The following CLPB variants were observed in gnomAD, a reference collection of about 807,000 sequenced individuals.
The protein encoded by CLPB is mitochondrial disaggregase.
CLPB carries 40 observed loss-of-function variants against 78.4 expected under a neutral mutation model. The observed-to-expected ratio is 0.51, with a 90% CI of 0.40 to 0.66. The LOEUF (loss-of-function observed/expected upper bound fraction) is 0.66, where lower values mean the gene tolerates loss of function less well. CLPB is among the 30% of genes least tolerant of loss of function. CLPB has a pLI of 0.00. For synonymous variants in CLPB, 333 were observed against 348.0 expected (o/e 0.96, Z 0.48); for missense variants, 780 against 886.9 (o/e 0.88, Z 1.53).
At chr11:72,385,268 C>A (rs1276583775) in intron 3 of CLPB, among the ~76,000 whole-genome samples, 1 of 152,202 alleles carries the variant, frequency 6.6e-6, no homozygotes, top group East Asian at 1.9e-4. Flanking sequence ...GAGGCAGGGA[C>A]TCCATGTTAG....
chr11:72,296,952 G>A (rs986814903), intron 11 of CLPB, among the ~76,000 whole-genome samples: 2 of 152,230 alleles, frequency 1.3e-5, no homozygotes, highest in South Asian at 2.1e-4. Context: ...TCTGACCTCA[G>A]AGCCCATGCC....
Position 72,288,691 on chromosome 11 carries a change from T to G in CLPB, c.*4676A>C, listed in dbSNP as rs534482905. ...CCAAGTATAATAATAAAGGAACATCTGTCATATGCCTGCACTGTGCCAGGT... is the reference window on the plus strand; with the variant it reads ...CCAAGTATAATAATAAAGGAACATCGGTCATATGCCTGCACTGTGCCAGGT... On this transcript the variant is annotated 3_prime_UTR_variant, in exon 16 of 16. Coordinates refer to ENST00000538039, the MANE Select transcript of CLPB (RefSeq NM_001258392.3). The G allele has an allele frequency of 9.2e-5, 14 of 152,342 alleles. No homozygotes were observed. Among genetic ancestry groups the G allele is most frequent in the African/African-American group, 3.4e-4 (14 of 41,552 alleles). The allele number at this position is 152,342 out of a possible 1,614,324, so 9.4% of individuals were successfully genotyped here.
At position 72,317,129 on chromosome 11, in the gene CLPB, C is replaced by T; in HGVS notation, c.965G>A (p.Ser322Asn). Reference protein sequence around the residue: ...RLKEHIIGQESAIATVGAAIR... With the variant: ...RLKEHIIGQENAIATVGAAIR... Reference sequence around the variant, plus strand: ...ACCAGCACCCACTGTGGCGATGGCGCTCTCCTGGCCAATGATGTGCTCCTT... The same window carrying T: ...ACCAGCACCCACTGTGGCGATGGCGTTCTCCTGGCCAATGATGTGCTCCTT... Residue 322 changes from serine to asparagine, a missense_variant, in exon 7 of 16, where the codon AGC (serine) becomes AAC (asparagine). Coordinates refer to ENST00000538039, the MANE Select transcript of CLPB (RefSeq NM_001258392.3). 4.3e-6 allele frequency: 7 copies of T among 1,611,694 alleles called. No individual in the cohort carries two copies. Among genetic ancestry groups the T allele is most frequent in the Non-Finnish European group, 5.9e-6 (7 of 1,179,352 alleles).
chr11:72,294,438 A>G lies in CLPB; in HGVS notation c.1567T>C (p.Phe523Leu). ...NVIRPILKAH[F>L]RRDEFLGRIN... is the part of the protein sequence containing the mutation. ...CGTCCCAGAAACTCATCCCTCCGGAAGTGAGCCTGAAGGGCCAGGTTAGGG... is the reference window on the plus strand; with the variant it reads ...CGTCCCAGAAACTCATCCCTCCGGAGGTGAGCCTGAAGGGCCAGGTTAGGG... Residue 523 changes from phenylalanine (F) to leucine (L), a missense_variant, in exon 14 of 16, where the codon TTC becomes CTC. By Grantham distance (22) the Phe-to-Leu change is conservative. Transcript: ENST00000538039. The G allele has an allele frequency of 6.2e-7, 1 of 1,614,180 alleles. No individual in the cohort carries two copies. Among genetic ancestry groups the G allele is most frequent in the Non-Finnish European group, 8.5e-7 (1 of 1,180,034 alleles).
chr11:72,292,812 T>TC lies in CLPB; in HGVS notation c.*554dup. ...GCGGAAACAGGCAAGCCTCTATGGGTCCCTTCCCCTTAGAATTTTAGGGTA... is the reference window on the plus strand; with the variant it reads ...GCGGAAACAGGCAAGCCTCTATGGGTCCCCTTCCCCTTAGAATTTTAGGGTA... On this transcript the variant is annotated 3_prime_UTR_variant, in exon 16 of 16. Coordinates refer to ENST00000538039, the MANE Select transcript of CLPB (RefSeq NM_001258392.3). The TC allele has an allele frequency of 6.5e-6, 1 of 154,446 alleles. No homozygotes were observed. Among genetic ancestry groups the TC allele is most frequent in the East Asian group, 1.9e-4 (1 of 5,190 alleles). 9.6% of individuals were successfully genotyped at this position (154,446 alleles called of 1,614,324 possible).
At chr11:72,367,981 A>C (rs574735108) in intron 4 of CLPB, among the ~76,000 whole-genome samples, 71 of 152,218 alleles carry the variant, frequency 4.7e-4, no homozygotes, top group Non-Finnish European at 9.1e-4. Context: ...TTAGGTTAAA[A>C]AATATATGTA....
intron 2 of CLPB, among the ~76,000 whole-genome samples, chr11:72,416,345 C>T (rs1466813785): frequency 1.3e-5 from 2 of 152,288 alleles, no homozygotes; most frequent in Non-Finnish European, 2.9e-5. Flanking sequence ...CTTACCAGAC[C>T]GCAAGTTCCT....
At chr11:72,307,125 G>A (rs1344054776) in intron 9 of CLPB, 74 bp downstream of exon 9, 1 of 1,360,370 alleles carries the variant, frequency 7.4e-7, no homozygotes, top group African/African-American at 1.4e-5. Context: ...AATTCAGAGG[G>A]TCAGATTTTT....
At chr11:72,311,303 G>C (rs1949841698) in intron 7 of CLPB, among the ~76,000 whole-genome samples, 2 of 152,174 alleles carry the variant, frequency 1.3e-5, no homozygotes, top group Non-Finnish European at 2.9e-5. Flanking sequence ...GCCCACGTGG[G>C]AGGTGGCCAT....
intron 15 of CLPB, 39 bp from the exon 16 acceptor site, chr11:72,293,654 G>C (rs1474990314): frequency 6.3e-7 from 1 of 1,584,292 alleles, no homozygotes; most frequent in Admixed American, 1.7e-5. Flanking sequence ...CCCTCGGCCT[G>C]GACCCAGCTT....
chr11:72,392,037 C>T (rs1855268278), intron 3 of CLPB, among the ~76,000 whole-genome samples: 1 of 151,922 alleles, frequency 6.6e-6, no homozygotes, highest in Admixed American at 6.6e-5. Context: ...AGCGAGAAAA[C>T]CTATGGTGTG....
intron 2 of CLPB, among the ~76,000 whole-genome samples, chr11:72,426,832 G>A (rs974840309): frequency 2.6e-5 from 4 of 152,182 alleles, no homozygotes; most frequent in African/African-American, 7.2e-5. Context: ...GAACAGTGTG[G>A]CAAGTGGCAT....
intron 3 of CLPB, among the ~76,000 whole-genome samples, chr11:72,397,242 G>T (rs1043162162): frequency 6.6e-6 from 1 of 152,112 alleles, no homozygotes; most frequent in Non-Finnish European, 1.5e-5. Flanking sequence ...TTTACCGTAT[G>T]GATATACCAC....
chr11:72,308,426 C>G (rs761078880), intron 8 of CLPB, 101 bp downstream of exon 8: 2 of 963,546 alleles, frequency 2.1e-6, no homozygotes, highest in South Asian at 1.3e-5. Flanking sequence ...TGACCTAGAG[C>G]TGGACCTGCT....
At chr11:72,296,553 T>C (rs1284608534) in intron 11 of CLPB, among the ~76,000 whole-genome samples, 3 of 152,230 alleles carry the variant, frequency 2.0e-5, no homozygotes, top group Non-Finnish European at 4.4e-5. Context: ...GGCATGACCG[T>C]ACAACAGCAC....
chr11:72,380,436 G>T, intron 3 of CLPB, 52 bp from the exon 4 acceptor site: 1 of 1,418,854 alleles, frequency 7.0e-7, no homozygotes, highest in Non-Finnish European at 9.9e-7. Context: ...GGCCCAGGAG[G>T]TACAGACCCA....
chr11:72,293,444 T>C lies in CLPB; in HGVS notation c.1957A>G (p.Ile653Val). The change falls in exon 16 of 16, where the codon ATC becomes GTC. Residue 653 changes from isoleucine to valine, a missense_variant. Ile to Val is a conservative substitution (Grantham distance 29, BLOSUM62 3). Coordinates refer to ENST00000538039, the MANE Select transcript of CLPB (RefSeq NM_001258392.3). ...CTGCGAGTCTTGCTGTCCTTGTCGA[T>C]GATCTCCAGACGCAGCTTGGGGAGG... ...KRLPKLRLEI[I>V]DKDSKTRRLD... The C allele has an allele frequency of 1.2e-6, 2 of 1,614,180 alleles. No homozygotes were observed. The highest frequency in any genetic ancestry group is 1.1e-5 in the South Asian group (1 of 91,080).
At chr11:72,376,044 A>C (rs993376999) in intron 4 of CLPB, among the ~76,000 whole-genome samples, 2 of 152,196 alleles carry the variant, frequency 1.3e-5, no homozygotes, top group African/African-American at 4.8e-5. Context: ...CCATAGTCTA[A>C]TATAACAGCA....
chr11:72,369,861 CAGGG>C (rs1320294170), intron 4 of CLPB, among the ~76,000 whole-genome samples: 11 of 152,162 alleles, frequency 7.2e-5, no homozygotes, highest in Admixed American at 7.2e-4. Context: ...CTGCGTGCGT[CAGGG>C]AAGATGAATC....
Sources: allele counts gnomAD v4.1 joint callset (sites outside exome capture counted in the v4.1 genomes callset), GRCh38; gene constraint gnomAD v4.1.1; transcripts MANE v1.5; gene names NCBI Gene and HGNC (gene_info 2026-07-23, HGNC 2026-07-21).